Variants in RHOA observed in about 807,000 individuals in gnomAD.
RHOA encodes the protein ras homolog family member A.
RHOA carries 3 observed loss-of-function variants against 17.5 expected under a neutral mutation model. The ratio of observed to expected loss-of-function variants is 0.17; its 90% CI spans 0.08 to 0.44. RHOA has a LOEUF of 0.44. RHOA is among the 20% of genes least tolerant of loss of function. The pLI, the probability that RHOA is intolerant of heterozygous loss-of-function variation, is 0.99. For synonymous variants in RHOA, 98 were observed against 88.4 expected, an observed-to-expected ratio of 1.11 and a Z score of -0.61; for missense variants, 56 against 242.3, an observed-to-expected ratio of 0.23 and a Z score of 5.10.
Position 49,395,889 on chromosome 3 carries a change from CAA to C in RHOA, c.-3+15929_-3+15930del, listed in dbSNP as rs1376572107. The stretch of plus-strand genomic sequence containing the variant: ...CTAAGGAGGCGTTTTCCAAACCTCA[CAA>C]ACATTTCCCCACAGTCAGCTGAAAA... On this transcript the variant is annotated intron_variant, in intron 1 of 4. Transcript: ENST00000418115. 2.6e-5 allele frequency among the ~76,000 whole-genome samples: 4 copies of C among 152,180 alleles called. No homozygotes were observed. In the East Asian group the frequency reaches 7.7e-4, roughly 29 times the overall value.
At chr3:49,375,287 C>A in intron 2 of RHOA, 147 bp downstream of exon 2, 1 of 702,474 alleles carries the variant, frequency 1.4e-6, no homozygotes, top group Non-Finnish European at 2.2e-6. Context: ...CAAACTTGGA[C>A]TAAGATGGCA....
chr3:49,398,234 C>G (rs993225354), intron 1 of RHOA, among the ~76,000 whole-genome samples: 1 of 151,928 alleles, frequency 6.6e-6, no homozygotes, highest in Non-Finnish European at 1.5e-5. Context: ...TCCTGTGGTC[C>G]CATCTACTCA....
chr3:49,408,792 A>G (rs2048881926), intron 1 of RHOA, among the ~76,000 whole-genome samples: 1 of 124,438 alleles, frequency 8.0e-6, no homozygotes, highest in Non-Finnish European at 1.7e-5. Flanking sequence ...AATACTTAAG[A>G]TCCTTTTTTT....
chr3:49,361,808 G>C (rs1426925472), intron 4 of RHOA, among the ~76,000 whole-genome samples: 1 of 152,164 alleles, frequency 6.6e-6, no homozygotes, highest in African/African-American at 2.4e-5. Context: ...TTAAACCTTG[G>C]AGGCTGAGGT....
Position 49,411,973 on chromosome 3 carries a change from G to C in RHOA, c.-156C>G, listed in dbSNP as rs1032906032. ...CGGGCGGCGGGAGGGTAGCGCGAGA[G>C]AGCGAGGGCGGGCGGCGGCGGGAGG... is the stretch of plus-strand genomic sequence containing the variant. On this transcript the variant is annotated 5_prime_UTR_variant, in exon 1 of 5. Transcript: ENST00000418115. The C allele has an allele frequency of 6.3e-6, 1 of 158,022 alleles. No individual in the cohort carries two copies. Among genetic ancestry groups the C allele is most frequent in the African/African-American group, 2.4e-5 (1 of 41,618 alleles). 9.8% of individuals were successfully genotyped at this position (158,022 alleles called of 1,614,324 possible).
chr3:49,369,795 C>T (rs191812965), intron 2 of RHOA, among the ~76,000 whole-genome samples: 3 of 151,578 alleles, frequency 2.0e-5, no homozygotes, highest in African/African-American at 7.3e-5. Context: ...GGGCTGGGTG[C>T]GGTGGCTCAC....
At position 49,367,342 on chromosome 3, in the gene RHOA, C is replaced by CAAAA. The variant is rs62926260; in HGVS notation, c.277+1082_277+1085dup. Among the ~76,000 whole-genome samples the CAAAA allele has an allele frequency of 5.0e-3, 405 of 80,448 alleles. 19 individuals are homozygous for CAAAA. The highest frequency in any genetic ancestry group is 0.018 in the African/African-American group (349 of 19,762). The allele number at this position is 80,448 out of a possible 152,430, so 52.8% of individuals were successfully genotyped here. ...TGGGAGACAGAGCAAGACTCCCTCT[C>CAAAA]AAAAAAAAAAAAAAAAAAAAAAAAG... On this transcript the variant is annotated intron_variant, in intron 3 of 4. Transcript: ENST00000418115.
At chr3:49,384,727 T>TA (rs2048369079) in intron 1 of RHOA, among the ~76,000 whole-genome samples, 1 of 152,014 alleles carries the variant, frequency 6.6e-6, no homozygotes, top group African/African-American at 2.4e-5. Flanking sequence ...AGGATGGTCT[T>TA]AAACTCCTGG....
chr3:49,393,668 TTCTCTC>T (rs765605913), intron 1 of RHOA, among the ~76,000 whole-genome samples: 11,776 of 29,288 alleles, frequency 0.4, 1,154 homozygotes, highest in South Asian at 0.51. Context: ...TTGTCTCAAA[TTCTCTC>T]TCTGTGTGTG....
intron 1 of RHOA, among the ~76,000 whole-genome samples, chr3:49,408,153 A>G (rs1488609647): frequency 8.4e-6 from 1 of 118,462 alleles, no homozygotes; most frequent in Non-Finnish European, 1.7e-5. Flanking sequence ...AGTGAGACTC[A>G]GTCTCAAAAG....
chr3:49,396,957 T>C (rs1348317670), intron 1 of RHOA, among the ~76,000 whole-genome samples: 5 of 151,726 alleles, frequency 3.3e-5, no homozygotes, highest in East Asian at 1.9e-4. Flanking sequence ...TGGTGAGAGC[T>C]TGTCTCTACA....
In RHOA at chr3:49,359,226, G is replaced by C. The variant is rs1158913040; in HGVS notation, c.*983C>G. On this transcript the variant is annotated 3_prime_UTR_variant, in exon 5 of 5. Coordinates refer to ENST00000418115, the MANE Select transcript of RHOA (RefSeq NM_001664.4). Reference sequence around the variant, plus strand: ...AAAGTTTAGTCAGCTGGAGAGAAGAGAGACTGAGTGCCACCCATGAGAACT... The same window carrying C: ...AAAGTTTAGTCAGCTGGAGAGAAGACAGACTGAGTGCCACCCATGAGAACT... 1 of 191,318 alleles carries C rather than the reference G, an allele frequency of 5.2e-6. No homozygotes were observed. The highest frequency in any genetic ancestry group is 2.3e-5 in the African/African-American group (1 of 42,906). 11.9% of individuals were successfully genotyped at this position (191,318 alleles called of 1,614,324 possible).
chr3:49,379,262 T>C (rs2048280998), intron 1 of RHOA, among the ~76,000 whole-genome samples: 1 of 152,070 alleles, frequency 6.6e-6, no homozygotes. Flanking sequence ...GTTATATAAG[T>C]GAAAGAACCC....
At chr3:49,369,006 CTTTTTTTTTTTTTTTTTTTT>C (rs1160140765) in intron 2 of RHOA, among the ~76,000 whole-genome samples, 6 of 59,708 alleles carry the variant, frequency 1.0e-4, no homozygotes, top group African/African-American at 3.1e-4. Context: ...CGCGCCTGGC[CTTTTTTTTTTTTTTTTTTTT>C]TTTTTTTTTT....
At chr3:49,405,687 C>CT (rs938758548) in intron 1 of RHOA, among the ~76,000 whole-genome samples, 8 of 151,918 alleles carry the variant, frequency 5.3e-5, no homozygotes, top group Non-Finnish European at 7.4e-5. Flanking sequence ...TTCTTTCCTT[C>CT]TTTTTTTTGT....
chr3:49,392,692 T>C (rs1314028462), intron 1 of RHOA, among the ~76,000 whole-genome samples: 1 of 152,100 alleles, frequency 6.6e-6, no homozygotes, highest in Non-Finnish European at 1.5e-5. Flanking sequence ...ACACTGACCA[T>C]ATTCAATGCT....
intron 1 of RHOA, among the ~76,000 whole-genome samples, chr3:49,399,139 G>A (rs547414046): frequency 1.3e-5 from 2 of 149,918 alleles, no homozygotes; most frequent in African/African-American, 4.9e-5. Flanking sequence ...GGAGGCCGAG[G>A]CAGGCAGATC....
At chr3:49,374,498 C>T (rs2048192963) in intron 2 of RHOA, among the ~76,000 whole-genome samples, 1 of 152,116 alleles carries the variant, frequency 6.6e-6, no homozygotes, top group East Asian at 1.9e-4. Context: ...GCAGGTGGAT[C>T]ATCTGAGGTC....
chr3:49,368,315 C>T (rs1293259161), intron 3 of RHOA, 113 bp downstream of exon 3: 23 of 1,354,196 alleles, frequency 1.7e-5, no homozygotes, highest in Admixed American at 5.8e-5. Flanking sequence ...CGGCCACTGA[C>T]GATGATTGCT....
Sources: gnomAD v4.1 joint callset for allele counts (sites outside exome capture counted in the v4.1 genomes callset) on GRCh38, gnomAD v4.1.1 for gene constraint, MANE v1.5 for transcripts, NCBI Gene and HGNC (gene_info 2026-07-23, HGNC 2026-07-21) for gene names.